Variants in ZNF121 observed in about 807,000 individuals in gnomAD.
ZNF121 encodes the protein zinc finger protein 121 (clone ZHC32).
Under a neutral mutation model 2.4 loss-of-function variants are expected in ZNF121, and 1 was observed. The observed-to-expected ratio is 0.41, with a 90% CI of 0.15 to 1.94. ZNF121 has a LOEUF of 1.94. ZNF121 is among the 30% of genes most tolerant of loss of function. The pLI is 0.30. For synonymous variants in ZNF121, 173 were observed against 158.6 expected (o/e 1.09, Z -0.68); for missense variants, 369 against 466.3 (o/e 0.79, Z 1.92).
intron 1 of ZNF121, among the ~76,000 whole-genome samples, chr19:9,577,146 A>G (rs1477400280): frequency 2.0e-5 from 3 of 152,248 alleles, no homozygotes; most frequent in Non-Finnish European, 4.4e-5. Context: ...CACAACAGCA[A>G]CAAAACTACA....
chr19:9,582,298 A>C (rs2074253260), intron 1 of ZNF121, among the ~76,000 whole-genome samples: 1 of 152,188 alleles, frequency 6.6e-6, no homozygotes, highest in South Asian at 2.1e-4. Flanking sequence ...CAACAAGAAG[A>C]AGCGAAAATA....
intron 1 of ZNF121, among the ~76,000 whole-genome samples, chr19:9,569,654 C>T (rs75863697): frequency 0.13 from 19,684 of 150,530 alleles, 1,697 homozygotes; most frequent in African/African-American, 0.24. Context: ...GCCTCAGCCT[C>T]GTGAGCAGCT....
chr19:9,582,434 C>A (rs1381042888), intron 1 of ZNF121, among the ~76,000 whole-genome samples: 1 of 152,156 alleles, frequency 6.6e-6, no homozygotes, highest in Admixed American at 6.5e-5. Context: ...CCCCACTGAG[C>A]ACCTTGTGAT....
In ZNF121 at chr19:9,566,859, T is replaced by C. The variant is rs961678138; in HGVS notation, c.254A>G (p.Asp85Gly). Residue 85 changes from aspartate to glycine, a missense_variant, in exon 4 of 4, where the codon GAC becomes GGC. Physicochemically the swap from Asp to Gly is moderately conservative, Grantham distance 94 (BLOSUM62 -1). This residue lies in a region of ZNF121 where 168 missense variants were observed against 162.3 expected (regional missense o/e 1.03). Coordinates refer to ENST00000320451, the MANE Select transcript of ZNF121 (RefSeq NM_001008727.5). ...ACAGTCACTGTATTCAAAGGATTTG[T>C]CTCCTATCCACGTTCTCTGGTGAAC... ...PNVHQRTWIGDKSFEYSDCEE... is the reference protein window; with the variant it reads ...PNVHQRTWIGGKSFEYSDCEE... 2 of 1,614,090 alleles carry C rather than the reference T, an allele frequency of 1.2e-6. No homozygotes were observed. Among genetic ancestry groups the C allele is most frequent in the Non-Finnish European group, 8.5e-7 (1 of 1,180,040 alleles).
Position 9,565,669 on chromosome 19 carries a change from C to CAAATA in ZNF121, c.*266_*270dup, listed in dbSNP as rs57109713. ...TGATGACAACAGCAAAACTCTGTCT[C>CAAATA]AAATAAAATAAAATAAAATAAAATA... On this transcript the variant is annotated 3_prime_UTR_variant, in exon 4 of 4. Transcript: ENST00000320451. 31,056 of 148,308 alleles carry CAAATA rather than the reference C, an allele frequency of 0.21. 4,250 individuals carry two copies. Among genetic ancestry groups the CAAATA allele is most frequent in the East Asian group, 0.4 (1,969 of 4,872 alleles). 9.2% of individuals were successfully genotyped at this position (148,308 alleles called of 1,614,324 possible). A position where few individuals can be genotyped will look rare whatever the true frequency, so the allele number is the denominator to read the frequency against.
intron 1 of ZNF121, among the ~76,000 whole-genome samples, chr19:9,578,032 A>G (rs1261738675): frequency 7.2e-6 from 1 of 138,506 alleles, no homozygotes; most frequent in African/African-American, 2.7e-5. Flanking sequence ...CTCTACTAAA[A>G]AAAAAAATAC....
chr19:9,578,643 C>T (rs1279154147), intron 1 of ZNF121, among the ~76,000 whole-genome samples: 2 of 152,006 alleles, frequency 1.3e-5, no homozygotes, highest in Admixed American at 6.6e-5. Flanking sequence ...AACTGAATAA[C>T]GATATGCAGA....
Position 9,568,258 on chromosome 19 carries a change from AT to A in ZNF121, c.-78-84del, listed in dbSNP as rs1164905891. 13 of 607,044 alleles carry A rather than the reference AT, an allele frequency of 2.1e-5. No homozygotes were observed. The East Asian group carries it at 3.5e-4, about 16-fold the overall frequency. 37.6% of individuals were successfully genotyped at this position (607,044 alleles called of 1,614,324 possible). A position where few individuals can be genotyped will look rare whatever the true frequency, so the allele number is the denominator to read the frequency against. ...TAAATAAGTCAGAATTATAAAGCTC[AT>A]TTTTATTTGTCATATTCAGCACACT... is the stretch of plus-strand genomic sequence containing the variant. On this transcript the variant is annotated intron_variant, in intron 2 of 3. Transcript: ENST00000320451.
chr19:9,578,855 A>G (rs2074229498), intron 1 of ZNF121, among the ~76,000 whole-genome samples: 1 of 152,068 alleles, frequency 6.6e-6, no homozygotes, highest in Admixed American at 6.5e-5. Context: ...CAAACTAAAA[A>G]CTTCTCCACA....
At chr19:9,583,057 C>CAAAAAAAA (rs1326380773) in intron 1 of ZNF121, among the ~76,000 whole-genome samples, 1,229 of 122,122 alleles carry the variant, frequency 0.01, 49 homozygotes, top group African/African-American at 0.033. Flanking sequence ...ACTAAAAATA[C>CAAAAAAAA]AAAAAAAAAA....
Position 9,567,731 on chromosome 19 carries a change from T to A in ZNF121, c.3+364A>T, listed in dbSNP as rs367716877. 44 of 278,446 alleles carry A rather than the reference T, an allele frequency of 1.6e-4. No individual in the cohort carries two copies. In the East Asian group the frequency reaches 1.8e-3, roughly 11 times the overall value. The allele number at this position is 278,446 out of a possible 1,614,324, so 17.2% of individuals were successfully genotyped here. On this transcript the variant is annotated intron_variant, in intron 3 of 3. Coordinates refer to ENST00000320451, the MANE Select transcript of ZNF121 (RefSeq NM_001008727.5). ...CTAGGTGATGGGAGACAGTGACAGATCATCAGTCTCATAAGGAGCACACAA... is the reference window on the plus strand; with the variant it reads ...CTAGGTGATGGGAGACAGTGACAGAACATCAGTCTCATAAGGAGCACACAA...
Position 9,565,877 on chromosome 19 carries a change from TG to T in ZNF121, c.*62del. ...TTTCTCTTCAGTGTGAATTCAAATG[TG>T]GTAATTATGGTATGAGAAATTCCTA... On this transcript the variant is annotated 3_prime_UTR_variant, in exon 4 of 4. Coordinates refer to ENST00000320451, the MANE Select transcript of ZNF121 (RefSeq NM_001008727.5). 7.8e-7 allele frequency: 1 copy of T among 1,286,042 alleles called. No homozygotes were observed. Among genetic ancestry groups the T allele is most frequent in the Non-Finnish European group, 1.1e-6 (1 of 948,108 alleles). The allele number at this position is 1,286,042 out of a possible 1,614,324, so 79.7% of individuals were successfully genotyped here.
At chr19:9,570,752 G>C (rs920169857) in intron 1 of ZNF121, among the ~76,000 whole-genome samples, 1 of 151,468 alleles carries the variant, frequency 6.6e-6, no homozygotes, top group South Asian at 2.1e-4. Context: ...GAGGGGGGGG[G>C]GTATTTTTAG....
At chr19:9,583,862 GAAAAT>G (rs368994418) in intron 1 of ZNF121, among the ~76,000 whole-genome samples, 265 of 152,228 alleles carry the variant, frequency 1.7e-3, no homozygotes, top group African/African-American at 6.1e-3. Flanking sequence ...TTAAGTCCAA[GAAAAT>G]AAAATAAGAA....
intron 2 of ZNF121, among the ~76,000 whole-genome samples, chr19:9,568,739 T>G (rs1225091775): frequency 1.3e-5 from 2 of 152,106 alleles, no homozygotes; most frequent in African/African-American, 2.4e-5. Context: ...GAAATAGTAT[T>G]AGGGAAGGAA....
chr19:9,566,132 G>C lies in ZNF121; in HGVS notation c.981C>G (p.Leu327=). 6.2e-7 allele frequency: 1 copy of C among 1,613,798 alleles called. No individual in the cohort carries two copies. The highest frequency in any genetic ancestry group is 8.5e-7 in the Non-Finnish European group (1 of 1,179,938). Residue 327 remains leucine, a synonymous_variant, in exon 4 of 4, where the codon CTC becomes CTG. Coordinates refer to ENST00000320451, the MANE Select transcript of ZNF121 (RefSeq NM_001008727.5). ...CGKAFATSSQ[L]IEHIRTHTGE... is the part of the protein sequence containing the mutation. ...CAGTGTGAGTTCTTATATGTTCAAT[G>C]AGTTGTGAAGATGTAGCAAAGGCTT...
chr19:9,582,665 C>T (rs918853532), intron 1 of ZNF121, among the ~76,000 whole-genome samples: 1 of 150,686 alleles, frequency 6.6e-6, no homozygotes, highest in African/African-American at 2.4e-5. Context: ...AGGAGAATTA[C>T]TTGAACCTGG....
intron 1 of ZNF121, among the ~76,000 whole-genome samples, chr19:9,579,580 A>C (rs2074234792): frequency 6.6e-6 from 1 of 152,210 alleles, no homozygotes; most frequent in African/African-American, 2.4e-5. Context: ...AGGCAGGAGA[A>C]TCACTTGAAC....
intron 1 of ZNF121, among the ~76,000 whole-genome samples, chr19:9,571,453 T>G (rs575363973): frequency 1.2e-4 from 19 of 152,354 alleles, no homozygotes; most frequent in Non-Finnish European, 2.4e-4. Context: ...ACCGCCATTT[T>G]TCAAAATGTA....
Sources: allele counts gnomAD v4.1 joint callset (sites outside exome capture counted in the v4.1 genomes callset), GRCh38; gene constraint gnomAD v4.1.1; regional missense constraint gnomAD v4.1.1; transcripts MANE v1.5; gene names NCBI Gene and HGNC (gene_info 2026-07-23, HGNC 2026-07-21).